MEMO1: variants seen among roughly 807,000 people sequenced by gnomAD.
The protein encoded by MEMO1 is protein MEMO1.
A neutral mutation model predicts 45.2 loss-of-function variants in MEMO1; 6 were observed. The ratio of observed to expected loss-of-function variants is 0.13; its 90% confidence interval spans 0.07 to 0.26. The LOEUF (loss-of-function observed/expected upper bound fraction) is 0.26. Among genes scored for constraint, MEMO1 ranks in the 10% least tolerant of loss-of-function variants. The pLI, the probability that MEMO1 is intolerant of heterozygous loss-of-function variation, is 1.00. For missense variants in MEMO1, 184 were observed against 370.5 expected, an observed-to-expected ratio of 0.50 and a Z score of 4.13; for synonymous variants, 78 against 124.3, an observed-to-expected ratio of 0.63 and a Z score of 2.48.
chr2:31,880,353 T>C (rs983136717), intron 8 of MEMO1, among the ~76,000 whole-genome samples: 3 of 152,150 alleles, frequency 2.0e-5, no homozygotes, highest in South Asian at 4.1e-4. Context: ...AATAAAATTC[T>C]AAAGGTAAAA....
At chr2:31,949,267 C>A (rs1421653419) in intron 2 of MEMO1, among the ~76,000 whole-genome samples, 1 of 152,086 alleles carries the variant, frequency 6.6e-6, no homozygotes, top group African/African-American at 2.4e-5. Context: ...TGGGTATTTA[C>A]CCAAAAGAAA....
At chr2:31,892,983 A>G (rs1308471942) in intron 6 of MEMO1, among the ~76,000 whole-genome samples, 1 of 152,142 alleles carries the variant, frequency 6.6e-6, no homozygotes, top group Non-Finnish European at 1.5e-5. Context: ...TTTATATTCT[A>G]AATGATCCCA....
At chr2:31,949,265 T>C (rs555792757) in intron 2 of MEMO1, among the ~76,000 whole-genome samples, 50 of 152,308 alleles carry the variant, frequency 3.3e-4, no homozygotes, top group Admixed American at 2.9e-3. Flanking sequence ...GCTGGGTATT[T>C]ACCCAAAAGA....
At position 31,917,793 on chromosome 2, in the gene MEMO1, C is replaced by T. The variant is rs1385922542; in HGVS notation, c.437+133G>A. On this transcript the variant is annotated intron_variant, in intron 6 of 9. Transcript: ENST00000404530. ...TCAAAACCAACAATCCACCTTAAGACATTCTTGTCTCAATTTTTTATCTCA... is the reference window on the plus strand; with the variant it reads ...TCAAAACCAACAATCCACCTTAAGATATTCTTGTCTCAATTTTTTATCTCA... The T allele has an allele frequency of 1.9e-5, 11 of 574,838 alleles. No homozygotes were observed. In the East Asian group the frequency reaches 3.4e-4, roughly 18 times the overall value. 35.6% of individuals were successfully genotyped at this position (574,838 alleles called of 1,614,324 possible).
rs80333745 is a variant in MEMO1 at position 31,984,503 on chromosome 2, C to T, written c.61+25684G>A. Among the ~76,000 whole-genome samples, 27 of 152,196 alleles carry T rather than the reference C, an allele frequency of 1.8e-4. No homozygotes were observed. In the East Asian group the frequency reaches 4.8e-3, roughly 27 times the overall value. On this transcript the variant is annotated intron_variant, in intron 2 of 9. Transcript: ENST00000404530. ...ACGATGTGGTAACCTGGATAAGATC[C>T]TAGAACAGAGAAAGGACATTAGTGG...
At chr2:31,935,734 T>C (rs1268574933) in intron 3 of MEMO1, among the ~76,000 whole-genome samples, 1 of 152,150 alleles carries the variant, frequency 6.6e-6, no homozygotes, top group South Asian at 2.1e-4. Context: ...CTACAGATGC[T>C]CTTTTCCTAA....
intron 2 of MEMO1, among the ~76,000 whole-genome samples, chr2:31,997,800 T>A (rs986559350): frequency 1.3e-5 from 2 of 152,138 alleles, no homozygotes; most frequent in Admixed American, 6.6e-5. Flanking sequence ...GAGGGGAGAT[T>A]AAGAAAAGGA....
At chr2:31,926,742 G>A (rs1269430306) in intron 4 of MEMO1, among the ~76,000 whole-genome samples, 18 of 151,988 alleles carry the variant, frequency 1.2e-4, no homozygotes, top group Non-Finnish European at 2.5e-4. Flanking sequence ...ACCTACTCGG[G>A]AGACCGAGGC....
intron 2 of MEMO1, among the ~76,000 whole-genome samples, chr2:32,005,491 T>C (rs912451608): frequency 7.9e-5 from 12 of 152,220 alleles, no homozygotes; most frequent in African/African-American, 2.9e-4. Context: ...TGAATACTCA[T>C]TATGTGAATG....
At chr2:31,910,694 T>C (rs1680433790) in intron 6 of MEMO1, among the ~76,000 whole-genome samples, 1 of 152,012 alleles carries the variant, frequency 6.6e-6, no homozygotes, top group Non-Finnish European at 1.5e-5. Flanking sequence ...ACCCTGTCTC[T>C]ACAAAAAATT....
intron 2 of MEMO1, among the ~76,000 whole-genome samples, chr2:32,000,039 T>C (rs144177351): frequency 2.0e-5 from 3 of 151,898 alleles, no homozygotes; most frequent in Non-Finnish European, 4.4e-5. Flanking sequence ...AGCACATCAC[T>C]ACATCCAGCT....
intron 6 of MEMO1, among the ~76,000 whole-genome samples, chr2:31,901,492 T>A (rs1678808012): frequency 6.6e-6 from 1 of 151,990 alleles, no homozygotes; most frequent in Non-Finnish European, 1.5e-5. Context: ...CAATTCCATT[T>A]ATATGAAATT....
chr2:31,869,168 T>C (rs1360599406), intron 9 of MEMO1, among the ~76,000 whole-genome samples: 3 of 152,154 alleles, frequency 2.0e-5, no homozygotes, highest in African/African-American at 7.2e-5. Context: ...ACTTAGTCTA[T>C]TCTGGACTAC....
chr2:31,974,833 T>C (rs935954327), intron 2 of MEMO1, among the ~76,000 whole-genome samples: 5 of 152,064 alleles, frequency 3.3e-5, no homozygotes, highest in African/African-American at 1.2e-4. Flanking sequence ...AGGGGTACTC[T>C]GCTGATTATT....
chr2:31,974,976 G>A (rs1214832802), intron 2 of MEMO1, among the ~76,000 whole-genome samples: 2 of 151,918 alleles, frequency 1.3e-5, no homozygotes, highest in African/African-American at 2.4e-5. Flanking sequence ...TTTGAGACCA[G>A]CTTGGCCAAC....
chr2:31,960,429 T>C (rs1398125975), intron 2 of MEMO1, among the ~76,000 whole-genome samples: 4 of 152,110 alleles, frequency 2.6e-5, no homozygotes, highest in African/African-American at 7.2e-5. Context: ...CTGTTTACTG[T>C]AGCAAAACAC....
At chr2:31,938,642 C>T (rs1291729722) in intron 3 of MEMO1, among the ~76,000 whole-genome samples, 2 of 151,150 alleles carry the variant, frequency 1.3e-5, no homozygotes, top group South Asian at 2.1e-4. Flanking sequence ...AGTGAGACTC[C>T]GTCCCAAAAT....
chr2:32,000,059 A>G (rs1673092951), intron 2 of MEMO1, among the ~76,000 whole-genome samples: 1 of 151,408 alleles, frequency 6.6e-6, no homozygotes, highest in Admixed American at 6.6e-5. Context: ...TAATTTTTTT[A>G]TTTTTTGTAG....
At chr2:31,939,283 T>C (rs1052805123) in intron 3 of MEMO1, among the ~76,000 whole-genome samples, 2 of 152,204 alleles carry the variant, frequency 1.3e-5, no homozygotes, top group Non-Finnish European at 2.9e-5. Context: ...TATATGTTTA[T>C]ATGTTTATTA....
Sources: gnomAD v4.1 joint callset for allele counts (sites outside exome capture counted in the v4.1 genomes callset) on GRCh38, gnomAD v4.1.1 for gene constraint, MANE v1.5 for transcripts, NCBI Gene and HGNC (gene_info 2026-07-23, HGNC 2026-07-21) for gene names.